The following CFAP210 variants were observed in gnomAD, a reference collection of about 807,000 sequenced individuals.
CFAP210 encodes cilia- and flagella- associated protein 210.
the CFAP210 span, among the ~76,000 whole-genome samples, chr2:169,650,152 T>C: frequency 1.3e-5 from 2 of 152,228 alleles, no homozygotes; most frequent in African/African-American, 4.8e-5. Flanking sequence ...GTAACTGTCG[T>C]GTCATCTTTG....
the CFAP210 span, chr2:169,674,652 CT>C: frequency 6.2e-7 from 1 of 1,609,240 alleles, no homozygotes; most frequent in Non-Finnish European, 8.5e-7. Flanking sequence ...TCTTTAAAAG[CT>C]TTTTCAATGT....
the CFAP210 span, among the ~76,000 whole-genome samples, chr2:169,687,877 T>C: frequency 1.8e-5 from 2 of 113,078 alleles, no homozygotes; most frequent in Non-Finnish European, 3.9e-5. Context: ...TGCAGCAAAC[T>C]TTTGCCTGGA....
At chr2:169,670,723 C>T in the CFAP210 span, among the ~76,000 whole-genome samples, 1 of 152,184 alleles carries the variant, frequency 6.6e-6, no homozygotes. Flanking sequence ...CCTTACACCA[C>T]AGCAGTTAGG....
At chr2:169,688,932 T>C in the CFAP210 span, among the ~76,000 whole-genome samples, 1 of 152,334 alleles carries the variant, frequency 6.6e-6, no homozygotes, top group East Asian at 1.9e-4. Flanking sequence ...ACACTGCTGA[T>C]AAAGACATAC....
At chr2:169,670,925 A>G in the CFAP210 span, among the ~76,000 whole-genome samples, 62,034 of 152,124 alleles carry the variant, frequency 0.41, 12,943 homozygotes, top group Non-Finnish European at 0.44. Context: ...CAAAGAACGT[A>G]TGGAAATATT....
At chr2:169,680,922 A>AAAATTTAT in the CFAP210 span, 4 of 1,179,688 alleles carry the variant, frequency 3.4e-6, no homozygotes. Flanking sequence ...TACATGTAAA[A>AAAATTTAT]AAATTTATAA....
At chr2:169,688,591 C>T in the CFAP210 span, among the ~76,000 whole-genome samples, 4 of 152,200 alleles carry the variant, frequency 2.6e-5, no homozygotes, top group African/African-American at 7.2e-5. Flanking sequence ...CCACAAATCT[C>T]TAGGGCAGAG....
At chr2:169,690,827 T>C in the CFAP210 span, among the ~76,000 whole-genome samples, 6 of 152,176 alleles carry the variant, frequency 3.9e-5, no homozygotes, top group African/African-American at 1.2e-4. Context: ...TTCAAGATTT[T>C]CTCTGTCTTT....
the CFAP210 span, among the ~76,000 whole-genome samples, chr2:169,675,718 T>C: frequency 6.6e-6 from 1 of 152,194 alleles, no homozygotes; most frequent in Non-Finnish European, 1.5e-5. Context: ...TTCCAACCCA[T>C]CTGCAATCTC....
chr2:169,657,744 A>T, the CFAP210 span, among the ~76,000 whole-genome samples: 3 of 152,088 alleles, frequency 2.0e-5, no homozygotes, highest in Non-Finnish European at 4.4e-5. Context: ...AAAAAAAAAT[A>T]AGAAAGAAAA....
the CFAP210 span, chr2:169,674,791 A>G: frequency 1.3e-6 from 2 of 1,525,068 alleles, no homozygotes; most frequent in Non-Finnish European, 1.8e-6. Context: ...AAATTATAGT[A>G]CTTTAAGGAA....
the CFAP210 span, among the ~76,000 whole-genome samples, chr2:169,671,937 C>G: frequency 6.6e-6 from 1 of 152,192 alleles, no homozygotes; most frequent in Non-Finnish European, 1.5e-5. Flanking sequence ...TGAATAAACT[C>G]TTATTCAAGA....
At chr2:169,680,296 A>G in the CFAP210 span, among the ~76,000 whole-genome samples, 8 of 152,228 alleles carry the variant, frequency 5.3e-5, no homozygotes, top group Non-Finnish European at 1.5e-5. Context: ...ACTCTCAAAG[A>G]TTATTATTGG....
the CFAP210 span, among the ~76,000 whole-genome samples, chr2:169,677,450 T>C: frequency 6.6e-6 from 1 of 152,048 alleles, no homozygotes; most frequent in East Asian, 1.9e-4. Context: ...AACTAGAAAA[T>C]AAGAACCTCG....
chr2:169,657,161 GAGCATT>G, the CFAP210 span, among the ~76,000 whole-genome samples: 1 of 151,918 alleles, frequency 6.6e-6, no homozygotes, highest in East Asian at 1.9e-4. Flanking sequence ...TTAGACATTA[GAGCATT>G]ATTTCAAAAA....
At chr2:169,661,869 C>T in the CFAP210 span, among the ~76,000 whole-genome samples, 2 of 152,046 alleles carry the variant, frequency 1.3e-5, no homozygotes, top group Admixed American at 6.6e-5. Context: ...TATGTTCTCA[C>T]TCATTATGTG....
At chr2:169,653,941 A>G in the CFAP210 span, 1 of 956,798 alleles carries the variant, frequency 1.0e-6, no homozygotes, top group East Asian at 2.7e-5. Flanking sequence ...CCACGTCCCA[A>G]ACTGAAATCA....
the CFAP210 span, among the ~76,000 whole-genome samples, chr2:169,685,454 G>A: frequency 1.3e-5 from 2 of 152,096 alleles, no homozygotes; most frequent in Non-Finnish European, 2.9e-5. Context: ...TTAAAAATGG[G>A]CTGTCTTTTT....
chr2:169,664,026 TA>T, the CFAP210 span, among the ~76,000 whole-genome samples: 2,189 of 102,024 alleles, frequency 0.021, 43 homozygotes, highest in African/African-American at 0.07. Context: ...CCAACTCTAC[TA>T]AAAAAAAAAA....
Sources: gnomAD v4.1 joint callset for allele counts (sites outside exome capture counted in the v4.1 genomes callset) on GRCh38, gnomAD v4.1.1 for gene constraint, MANE v1.5 for transcripts, NCBI Gene and HGNC (gene_info 2026-07-23, HGNC 2026-07-21) for gene names.